COL6A6: variants seen among roughly 807,000 people sequenced by gnomAD.
COL6A6 encodes collagen type VI alpha 6 chain.
In COL6A6, 183 loss-of-function variants were observed where a neutral mutation model predicts 208.6. That is an observed-to-expected ratio of 0.88 (90% CI 0.78 to 0.99). The LOEUF is 0.99. Among genes scored for constraint, COL6A6 ranks in the 50% least tolerant of loss-of-function variants. The probability of loss-of-function intolerance (pLI) is 0.00; values close to 1 mark genes in which losing one functional copy is unlikely to be tolerated. For synonymous variants in COL6A6, 973 were observed against 1,011.8 expected, an observed-to-expected ratio of 0.96 and a Z score of 0.73; for missense variants, 2,816 against 2,815.2, an observed-to-expected ratio of 1.00 and a Z score of -0.01.
Position 130,565,146 on chromosome 3 carries a change from G to A in COL6A6, c.814G>A (p.Ala272Thr), listed in dbSNP as rs2062984860. 6.2e-7 allele frequency: 1 copy of A among 1,614,028 alleles called. No individual in the cohort carries two copies. The highest frequency in any genetic ancestry group is 8.5e-7 in the Non-Finnish European group (1 of 1,179,886). ...KENCMRVGLVAYSNETKVINS... is the reference protein window; with the variant it reads ...KENCMRVGLVTYSNETKVINS... Reference sequence around the variant, plus strand: ...AAATTGCATGAGGGTTGGCCTTGTGGCCTATAGCAATGAGACAAAAGTGAT... The same window carrying A: ...AAATTGCATGAGGGTTGGCCTTGTGACCTATAGCAATGAGACAAAAGTGAT... The change falls in exon 4 of 37, where the codon GCC (alanine) becomes ACC (threonine). Residue 272 changes from alanine to threonine, a missense_variant. By Grantham distance (58) the Ala-to-Thr change is moderately conservative (BLOSUM62 0). Coordinates refer to ENST00000358511, the MANE Select transcript of COL6A6 (RefSeq NM_001102608.3).
At chr3:130,591,182 AAGG>A in intron 13 of COL6A6, 88 bp downstream of exon 13, 1 of 935,740 alleles carries the variant, frequency 1.1e-6, no homozygotes, top group Non-Finnish European at 1.7e-6. Flanking sequence ...GGAAGCAAGA[AAGG>A]TGAGATTCTA....
chr3:130,558,497 A>C (rs1283873291), intron 1 of COL6A6, among the ~76,000 whole-genome samples: 1 of 152,210 alleles, frequency 6.6e-6, no homozygotes, highest in South Asian at 2.1e-4. Context: ...TAAATACTAG[A>C]GGTATTGATT....
chr3:130,581,788 G>A lies in COL6A6; in HGVS notation c.3775G>A (p.Glu1259Lys), dbSNP rs1170930286. ...KYSPKFEIYS[E>K]NILNSLKDIT... ...TTCTCCCAAGTTTGAGATCTACAGT[G>A]AAAACATACTGAATAGCTTGAAGGA... Residue 1259 changes from glutamate (E) to lysine (K), a missense_variant, in exon 9 of 37, where the codon GAA (glutamate) becomes AAA (lysine). Transcript: ENST00000358511. The A allele has an allele frequency of 1.2e-6, 2 of 1,613,712 alleles. No homozygotes were observed. Among genetic ancestry groups the A allele is most frequent in the East Asian group, 4.5e-5 (2 of 44,882 alleles).
rs2063161725 is a variant in COL6A6, at chr3:130,571,317, C to T, written c.2901C>T (p.Phe967=). The T allele has an allele frequency of 1.9e-6, 3 of 1,613,620 alleles. No homozygotes were observed. Among genetic ancestry groups the T allele is most frequent in the Non-Finnish European group, 1.7e-6 (2 of 1,179,750 alleles). Residue 967 remains phenylalanine (F), a synonymous_variant, in exon 7 of 37, where the codon TTC becomes TTT. Transcript: ENST00000358511. ...TGGCAGGATCAAGCGACAAGTACTTCTTCGTGGAGACTTTTGGAGGTCTGA... is the reference window on the plus strand; with the variant it reads ...TGGCAGGATCAAGCGACAAGTACTTTTTCGTGGAGACTTTTGGAGGTCTGA... ...LAMAGSSDKY[F]FVETFGGLKG...
chr3:130,671,540 T>C (rs571568768), intron 36 of COL6A6, among the ~76,000 whole-genome samples: 35 of 152,248 alleles, frequency 2.3e-4, no homozygotes, highest in South Asian at 6.2e-4. Flanking sequence ...AAGACTCTAA[T>C]CAAAAGTTAT....
Position 130,571,226 on chromosome 3 carries a change from G to A in COL6A6, c.2810G>A (p.Arg937Gln), listed in dbSNP as rs372152442. ...CTCAATGCCACGGCAAAGGCCTTGCGGGACAAAGGCATTCTTGTCCTGGCT... is the reference window on the plus strand; with the variant it reads ...CTCAATGCCACGGCAAAGGCCTTGCAGGACAAAGGCATTCTTGTCCTGGCT... The part of the protein sequence containing the change: ...DKLNATAKAL[R>Q]DKGILVLAVG... The change falls in exon 7 of 37, where the codon CGG (arginine) becomes CAG (glutamine). Residue 937 changes from arginine to glutamine, a missense_variant. Transcript: ENST00000358511. 55 of 1,613,844 alleles carry A rather than the reference G, an allele frequency of 3.4e-5. No homozygotes were observed. Among genetic ancestry groups the A allele is most frequent in the South Asian group, 6.6e-5 (6 of 91,070 alleles).
chr3:130,622,713 C>T (rs1258217443), intron 24 of COL6A6, among the ~76,000 whole-genome samples: 6 of 151,794 alleles, frequency 4.0e-5, no homozygotes, highest in African/African-American at 9.7e-5. Context: ...AAAATTTAGC[C>T]GGGCGAGGTG....
chr3:130,584,731 C>T (rs987425624), intron 10 of COL6A6, among the ~76,000 whole-genome samples: 1 of 151,998 alleles, frequency 6.6e-6, no homozygotes, highest in Non-Finnish European at 1.5e-5. Flanking sequence ...TCTCGTGTGT[C>T]AGCCTCCCGA....
intron 20 of COL6A6, 135 bp downstream of exon 20, chr3:130,599,945 C>G: frequency 3.8e-6 from 3 of 781,120 alleles, no homozygotes; most frequent in Non-Finnish European, 6.5e-6. Flanking sequence ...TATGACATCT[C>G]GCAGACCAGG....
At chr3:130,602,733 T>C (rs2064062183) in intron 20 of COL6A6, among the ~76,000 whole-genome samples, 1 of 152,214 alleles carries the variant, frequency 6.6e-6, no homozygotes, top group East Asian at 1.9e-4. Flanking sequence ...TTTAATATGG[T>C]TGCTTTTTAA....
chr3:130,540,120 C>T (rs531264123), intron 1 of COL6A6, among the ~76,000 whole-genome samples: 1 of 152,340 alleles, frequency 6.6e-6, no homozygotes, highest in South Asian at 2.1e-4. Context: ...TCCTTTCTCT[C>T]TGCCCCCCAC....
Position 130,676,174 on chromosome 3 carries a change from G to A in COL6A6, c.*777G>A, listed in dbSNP as rs2066354204. ...TCCATATATTCTTTAGACAAGGAGA[G>A]TCAAGAAACTACTTGTCATAGATGA... On this transcript the variant is annotated 3_prime_UTR_variant, in exon 37 of 37. Coordinates refer to ENST00000358511, the MANE Select transcript of COL6A6 (RefSeq NM_001102608.3). 6.6e-6 allele frequency: 1 copy of A among 152,136 alleles called. No individual in the cohort carries two copies. Among genetic ancestry groups the A allele is most frequent in the South Asian group, 2.1e-4 (1 of 4,822 alleles). The allele number at this position is 152,136 out of a possible 1,614,324, so 9.4% of individuals were successfully genotyped here.
At chr3:130,585,180 T>C (rs989374170) in intron 10 of COL6A6, among the ~76,000 whole-genome samples, 2 of 152,210 alleles carry the variant, frequency 1.3e-5, no homozygotes, top group Non-Finnish European at 2.9e-5. Context: ...ATGTTGCCAG[T>C]GGAGTAAGGT....
intron 1 of COL6A6, among the ~76,000 whole-genome samples, chr3:130,518,960 G>A (rs1710905847): frequency 6.6e-6 from 1 of 152,004 alleles, no homozygotes. Context: ...AATCATCTTT[G>A]GCTTTTATAT....
At chr3:130,607,067 G>T (rs2108187022) in intron 21 of COL6A6, 101 bp downstream of exon 21, 2 of 895,322 alleles carry the variant, frequency 2.2e-6, no homozygotes, top group Non-Finnish European at 3.4e-6. Context: ...CCTTTTTGAT[G>T]ATATTGGTTA....
At chr3:130,612,185 G>A (rs2064380369) in intron 23 of COL6A6, among the ~76,000 whole-genome samples, 1 of 152,112 alleles carries the variant, frequency 6.6e-6, no homozygotes. Context: ...TTCTAATGTT[G>A]TTGGGCATTT....
chr3:130,642,785 T>C, intron 29 of COL6A6, 47 bp from the exon 30 acceptor site: 2 of 1,558,106 alleles, frequency 1.3e-6, no homozygotes, highest in South Asian at 2.3e-5. Flanking sequence ...TGGCTACTGA[T>C]GTGTATGTCT....
chr3:130,617,388 G>A (rs897238719), intron 23 of COL6A6, among the ~76,000 whole-genome samples: 2 of 152,166 alleles, frequency 1.3e-5, no homozygotes, highest in Admixed American at 6.5e-5. Flanking sequence ...TGAGATGAGC[G>A]TATTTGGTTT....
intron 13 of COL6A6, 65 bp downstream of exon 13, chr3:130,591,159 A>G: frequency 1.7e-6 from 2 of 1,174,268 alleles, no homozygotes; most frequent in Non-Finnish European, 2.5e-6. Context: ...AATTTCCTTG[A>G]GTCAATTCAG....
Sources: gnomAD v4.1 joint callset for allele counts (sites outside exome capture counted in the v4.1 genomes callset) on GRCh38, gnomAD v4.1.1 for gene constraint, MANE v1.5 for transcripts, NCBI Gene and HGNC (gene_info 2026-07-23, HGNC 2026-07-21) for gene names.